The following ABCB11 variants were observed in gnomAD, a reference collection of about 807,000 sequenced individuals.
ABCB11 encodes the protein bile salt export pump.
Under a neutral mutation model 148.0 loss-of-function variants are expected in ABCB11, and 95 were observed. The ratio of observed to expected loss-of-function variants is 0.64; its 90% CI spans 0.54 to 0.76. ABCB11 has a LOEUF of 0.76. Ranked by LOEUF, ABCB11 falls within the 30% of genes least tolerant of loss-of-function variation. The pLI is 0.00. For synonymous variants in ABCB11, 591 were observed against 555.4 expected (o/e 1.06, Z -0.90); for missense variants, 1,523 against 1,617.8 (o/e 0.94, Z 1.01).
downstream of ABCB11, among the ~76,000 whole-genome samples, chr2:168,920,289 T>C (rs1372605267): frequency 6.6e-6 from 1 of 152,194 alleles, no homozygotes; most frequent in Non-Finnish European, 1.5e-5. Context: ...TTATTTATTA[T>C]ATTCAGTATT....
At chr2:168,996,493 C>T (rs1430862758) in intron 6 of ABCB11, 142 bp downstream of exon 6, 5 of 420,290 alleles carry the variant, frequency 1.2e-5, no homozygotes, top group Non-Finnish European at 2.1e-5. Flanking sequence ...AAGAATCCCT[C>T]TCCATTCTCT....
Position 168,936,025 on chromosome 2 carries a change from A to T in ABCB11, c.2814+205T>A, listed in dbSNP as rs1284912949. Among the ~76,000 whole-genome samples, 3 of 152,184 alleles carry T rather than the reference A, an allele frequency of 2.0e-5. No homozygotes were observed. The South Asian group carries it at 6.2e-4, about 31-fold the overall frequency. On this transcript the variant is annotated intron_variant, in intron 22 of 27. Transcript: ENST00000650372. ...CCTGTGTTCACTCCGCTATTTCTCCACACTGGCTCATACTCAGAGTCTCGG... is the reference window on the plus strand; with the variant it reads ...CCTGTGTTCACTCCGCTATTTCTCCTCACTGGCTCATACTCAGAGTCTCGG...
chr2:168,994,212 T>C (rs1479013572), intron 7 of ABCB11, among the ~76,000 whole-genome samples: 2 of 152,096 alleles, frequency 1.3e-5, no homozygotes, highest in African/African-American at 2.4e-5. Flanking sequence ...TCTTTCTTCA[T>C]GCCTGCTGAA....
chr2:168,926,944 G>A (rs868117686), intron 26 of ABCB11, among the ~76,000 whole-genome samples: 3 of 152,250 alleles, frequency 2.0e-5, no homozygotes, highest in Middle Eastern at 3.4e-3. Context: ...ATGAAACAAA[G>A]TTTTGACTGC....
chr2:168,972,108 AATATT>A, intron 13 of ABCB11, 58 bp from the exon 14 acceptor site: 1 of 1,506,554 alleles, frequency 6.6e-7, no homozygotes. Flanking sequence ...TCTGAATCAT[AATATT>A]ATGTCATACT....
intron 12 of ABCB11, 30 bp from the exon 13 acceptor site, chr2:168,973,870 G>T: frequency 6.2e-7 from 1 of 1,606,720 alleles, no homozygotes; most frequent in Non-Finnish European, 8.5e-7. Context: ...GCAAAGTTCA[G>T]ATTGTCACTG....
At chr2:169,001,484 C>A (rs530380499) in intron 5 of ABCB11, among the ~76,000 whole-genome samples, 2 of 152,042 alleles carry the variant, frequency 1.3e-5, no homozygotes, top group African/African-American at 2.4e-5. Flanking sequence ...GGGAGAGGTG[C>A]CTTACTATAG....
intron 23 of ABCB11, 137 bp downstream of exon 23, chr2:168,935,047 G>A: frequency 7.8e-7 from 1 of 1,284,582 alleles, no homozygotes; most frequent in Non-Finnish European, 1.1e-6. Flanking sequence ...ACAGAATCTT[G>A]AGAAATAATT....
intron 17 of ABCB11, 60 bp from the exon 18 acceptor site, chr2:168,964,368 C>A: frequency 7.6e-7 from 1 of 1,315,258 alleles, no homozygotes; most frequent in Non-Finnish European, 1.1e-6. Flanking sequence ...GCAGGATCAA[C>A]TGGTGTCCAA....
At chr2:168,979,414 G>A (rs558318777) in intron 11 of ABCB11, among the ~76,000 whole-genome samples, 42 of 152,084 alleles carry the variant, frequency 2.8e-4, no homozygotes, top group African/African-American at 9.2e-4. Context: ...CACCCCAGTC[G>A]CTGTCACATT....
chr2:168,960,081 G>T (rs985332273), intron 18 of ABCB11, among the ~76,000 whole-genome samples: 1 of 151,636 alleles, frequency 6.6e-6, no homozygotes, highest in Non-Finnish European at 1.5e-5. Context: ...GTTCTAGAGA[G>T]TGGTTGGTAT....
At chr2:168,968,667 A>G (rs1236355425) in intron 16 of ABCB11, among the ~76,000 whole-genome samples, 177 bp from the exon 17 acceptor site, 4 of 151,978 alleles carry the variant, frequency 2.6e-5, no homozygotes, top group Admixed American at 2.6e-4. Flanking sequence ...CTAATAAAAA[A>G]TTTCAAAATA....
chr2:168,972,966 T>G (rs1447357860), intron 13 of ABCB11, among the ~76,000 whole-genome samples: 1 of 152,000 alleles, frequency 6.6e-6, no homozygotes, highest in Admixed American at 6.6e-5. Context: ...TGACAATAAG[T>G]AATCATTTTA....
Position 168,969,349 on chromosome 2 carries a change from C to G in ABCB11, c.2011+1G>C, listed in dbSNP as rs376632574. On this transcript the variant is annotated splice_donor_variant, in intron 16 of 27. Coordinates refer to ENST00000650372, the MANE Select transcript of ABCB11 (RefSeq NM_003742.4). LOFTEE classifies it high-confidence loss of function. ...TACAAGTATAGGGAAAAAGCACTTG[C>G]CCTTTATGTCCTCTTCATTAAGAGC... The G allele has an allele frequency of 6.2e-7, 1 of 1,610,502 alleles. No individual in the cohort carries two copies. Among genetic ancestry groups the G allele is most frequent in the Non-Finnish European group, 8.5e-7 (1 of 1,178,114 alleles).
At chr2:168,982,707 C>T (rs1694174132) in intron 10 of ABCB11, among the ~76,000 whole-genome samples, 1 of 152,060 alleles carries the variant, frequency 6.6e-6, no homozygotes, top group Non-Finnish European at 1.5e-5. Flanking sequence ...TTAAAACACT[C>T]AACTCAGCCC....
In ABCB11 at chr2:168,930,701, C is replaced by G. The variant is rs757887126; in HGVS notation, c.3375G>C (p.Leu1125=). The change falls in exon 25 of 28, where the codon CTG becomes CTC. Residue 1125 remains leucine, a synonymous_variant. Coordinates refer to ENST00000650372, the MANE Select transcript of ABCB11 (RefSeq NM_003742.4). ...GATCAGGATCATAGAAACGTTCCAA[C>G]AGCTGAATGCTAGTGCTTTTGCCAC... ...SGCGKSTSIQ[L]LERFYDPDQG... 6.3e-7 allele frequency: 1 copy of G among 1,579,492 alleles called. No individual in the cohort carries two copies. The highest frequency in any genetic ancestry group is 2.3e-5 in the East Asian group (1 of 44,068).
chr2:168,952,119 C>T (rs1692594523), intron 19 of ABCB11, among the ~76,000 whole-genome samples: 1 of 151,364 alleles, frequency 6.6e-6, no homozygotes, highest in Admixed American at 6.6e-5. Context: ...TTTTGATGTG[C>T]TCTTGGATTC....
chr2:168,936,940 G>C (rs1691860056), intron 21 of ABCB11, among the ~76,000 whole-genome samples: 1 of 151,946 alleles, frequency 6.6e-6, no homozygotes, highest in South Asian at 2.1e-4. Flanking sequence ...CCAGGCTGGA[G>C]GGCAGTGGCA....
At chr2:168,969,314 TA>T in intron 16 of ABCB11, 35 bp downstream of exon 16, 1 of 1,555,996 alleles carries the variant, frequency 6.4e-7, no homozygotes, top group Non-Finnish European at 8.8e-7. Flanking sequence ...ATTAACTATT[TA>T]ATATAACATA....
Sources: allele counts gnomAD v4.1 joint callset (sites outside exome capture counted in the v4.1 genomes callset), GRCh38; gene constraint gnomAD v4.1.1; transcripts MANE v1.5; gene names NCBI Gene and HGNC (gene_info 2026-07-23, HGNC 2026-07-21).